Variants in DYTN observed in about 807,000 individuals in gnomAD.
DYTN encodes the protein dystrotelin.
A neutral mutation model predicts 69.6 loss-of-function variants in DYTN; 75 were observed. The ratio of observed to expected loss-of-function variants is 1.08; its 90% CI spans 0.89 to 1.31. The LOEUF (loss-of-function observed/expected upper bound fraction) is 1.31. Ranked by LOEUF, DYTN falls within the 50% of genes most tolerant of loss-of-function variation. The pLI is 0.00. For missense variants in DYTN, 726 were observed against 688.4 expected (o/e 1.05, Z -0.61); for synonymous variants, 252 against 249.1 (o/e 1.01, Z -0.11).
intron 9 of DYTN, among the ~76,000 whole-genome samples, chr2:206,684,530 C>T (rs1478620911): frequency 2.0e-5 from 3 of 152,156 alleles, no homozygotes; most frequent in African/African-American, 7.2e-5. Flanking sequence ...GTATCAAATT[C>T]CTGGCCTCAA....
chr2:206,694,926 A>G (rs1176866891), intron 7 of DYTN, 49 bp from the exon 8 acceptor site: 40 of 1,282,032 alleles, frequency 3.1e-5, no homozygotes, highest in East Asian at 1.7e-4. Flanking sequence ...AGATGAGAAA[A>G]AAAAAAAAAA....
chr2:206,698,602 C>T (rs770424607), intron 7 of DYTN, among the ~76,000 whole-genome samples: 8 of 152,228 alleles, frequency 5.3e-5, no homozygotes, highest in Non-Finnish European at 1.2e-4. Flanking sequence ...GCCTGGCCTA[C>T]ACCTGGTGGT....
intron 11 of DYTN, among the ~76,000 whole-genome samples, chr2:206,653,247 T>C (rs1699407973): frequency 6.6e-6 from 1 of 152,222 alleles, no homozygotes; most frequent in Non-Finnish European, 1.5e-5. Flanking sequence ...AGGAAAGCCA[T>C]AATCAATCTC....
In DYTN at chr2:206,680,805, C is replaced by T. The variant is rs895125279; in HGVS notation, c.980+12370G>A. On this transcript the variant is annotated intron_variant, in intron 9 of 11. Coordinates refer to ENST00000452335, the MANE Select transcript of DYTN (RefSeq NM_001093730.1). ...ATGACATTGCTCCAATAATTCTCCCCTGTTGCACCAGTTCATCAGTTTTTC... is the reference window on the plus strand; with the variant it reads ...ATGACATTGCTCCAATAATTCTCCCTTGTTGCACCAGTTCATCAGTTTTTC... 2.6e-5 allele frequency among the ~76,000 whole-genome samples: 4 copies of T among 152,186 alleles called. No individual in the cohort carries two copies. In the East Asian group the frequency reaches 7.7e-4, roughly 29 times the overall value.
intron 9 of DYTN, among the ~76,000 whole-genome samples, chr2:206,674,349 T>G (rs1339542557): frequency 1.3e-5 from 2 of 152,164 alleles, no homozygotes; most frequent in Non-Finnish European, 2.9e-5. Context: ...TTGAAAATCT[T>G]GATAAAGTAG....
chr2:206,696,957 T>C (rs1480108808), intron 7 of DYTN, among the ~76,000 whole-genome samples: 3 of 152,214 alleles, frequency 2.0e-5, no homozygotes, highest in African/African-American at 7.2e-5. Flanking sequence ...AAAATGGAGC[T>C]AGTAAACCCT....
chr2:206,692,115 A>G (rs1661464688), intron 9 of DYTN, among the ~76,000 whole-genome samples: 1 of 152,050 alleles, frequency 6.6e-6, no homozygotes, highest in South Asian at 2.1e-4. Flanking sequence ...CATCTCTATA[A>G]AACACAAATA....
At chr2:206,692,001 A>C (rs1199074237) in intron 9 of DYTN, among the ~76,000 whole-genome samples, 1 of 152,182 alleles carries the variant, frequency 6.6e-6, no homozygotes, top group Admixed American at 6.5e-5. Flanking sequence ...GAGGCTGGGC[A>C]TGGTGGCTCG....
intron 9 of DYTN, among the ~76,000 whole-genome samples, chr2:206,679,536 A>G (rs1269048933): frequency 1.3e-5 from 2 of 152,206 alleles, no homozygotes; most frequent in African/African-American, 2.4e-5. Context: ...AACATATAAT[A>G]TATCAGACTA....
At position 206,707,565 on chromosome 2, in the gene DYTN, A is replaced by C. The variant is rs1012849428; in HGVS notation, c.95-62T>G. The C allele has an allele frequency of 1.1e-4, 163 of 1,485,626 alleles. 1 individual carries two copies. The Admixed American group carries it at 3.3e-3, about 30-fold the overall frequency. The allele number at this position is 1,485,626 out of a possible 1,614,324, so 92.0% of individuals were successfully genotyped here. On this transcript the variant is annotated intron_variant, in intron 2 of 11. Coordinates refer to ENST00000452335, the MANE Select transcript of DYTN (RefSeq NM_001093730.1). ...TGATGGGAACAAAAGGCTTCAAATA[A>C]AGCAAATGTCATTTGGTGTTTTATA...
chr2:206,681,756 T>C (rs1438387476), intron 9 of DYTN, among the ~76,000 whole-genome samples: 1 of 152,202 alleles, frequency 6.6e-6, no homozygotes, highest in African/African-American at 2.4e-5. Flanking sequence ...AGATTTTCGA[T>C]GTGCTGCTGG....
At chr2:206,670,382 T>G (rs1219025276) in intron 9 of DYTN, 2 of 151,782 alleles carry the variant, frequency 1.3e-5, no homozygotes, top group Non-Finnish European at 2.9e-5. Context: ...TTCTCCCAAA[T>G]TAAAAAAAAA....
intron 10 of DYTN, among the ~76,000 whole-genome samples, chr2:206,665,190 A>C (rs1057338328): frequency 6.6e-5 from 10 of 152,258 alleles, no homozygotes; most frequent in Admixed American, 3.3e-4. Context: ...ACAAAAATTC[A>C]GCTGTCTTTT....
chr2:206,666,622 G>C (rs2105889304), intron 9 of DYTN, among the ~76,000 whole-genome samples: 1 of 152,218 alleles, frequency 6.6e-6, no homozygotes, highest in South Asian at 2.1e-4. Flanking sequence ...GGAACACAGG[G>C]GAGGAAGAAT....
At chr2:206,702,222 C>T (rs1008835423) in intron 5 of DYTN, among the ~76,000 whole-genome samples, 3 of 152,226 alleles carry the variant, frequency 2.0e-5, no homozygotes, top group African/African-American at 7.2e-5. Flanking sequence ...CTGACATCAT[C>T]TATATGCACA....
At chr2:206,668,161 G>A (rs1291133269) in intron 9 of DYTN, among the ~76,000 whole-genome samples, 1 of 152,220 alleles carries the variant, frequency 6.6e-6, no homozygotes, top group Non-Finnish European at 1.5e-5. Context: ...TGTCTAAACA[G>A]TGTTCTCTGG....
At chr2:206,652,340 A>C (rs1243057658) in intron 11 of DYTN, among the ~76,000 whole-genome samples, 1 of 152,204 alleles carries the variant, frequency 6.6e-6, no homozygotes, top group Non-Finnish European at 1.5e-5. Context: ...TGATGCGGCT[A>C]GTCCAGACAC....
chr2:206,698,946 C>T (rs1559315391), intron 7 of DYTN, among the ~76,000 whole-genome samples: 1 of 152,178 alleles, frequency 6.6e-6, no homozygotes, highest in Non-Finnish European at 1.5e-5. Flanking sequence ...CTGCGGCTTG[C>T]TAATCATGTA....
chr2:206,672,383 A>G (rs1699639009), intron 9 of DYTN, among the ~76,000 whole-genome samples: 1 of 152,264 alleles, frequency 6.6e-6, no homozygotes, highest in Non-Finnish European at 1.5e-5. Flanking sequence ...TACAGTGAAG[A>G]AAAGCCTGAA....
Sources: gnomAD v4.1 joint callset for allele counts (sites outside exome capture counted in the v4.1 genomes callset) on GRCh38, gnomAD v4.1.1 for gene constraint, MANE v1.5 for transcripts, NCBI Gene and HGNC (gene_info 2026-07-23, HGNC 2026-07-21) for gene names.